The following ZNF57 variants were observed in gnomAD, a reference collection of about 807,000 sequenced individuals.
ZNF57 encodes zinc finger protein 57.
In ZNF57, 11 loss-of-function variants were observed where a neutral mutation model predicts 13.4. The observed-to-expected ratio is 0.82, with a 90% confidence interval of 0.52 to 1.36. The LOEUF is 1.36. ZNF57 is among the 40% of genes most tolerant of loss of function. The probability of loss-of-function intolerance (pLI) is 0.00; values close to 1 mark genes in which losing one functional copy is unlikely to be tolerated. For missense variants in ZNF57, 696 were observed against 667.5 expected, an observed-to-expected ratio of 1.04 and a Z score of -0.47; for synonymous variants, 224 against 238.5, an observed-to-expected ratio of 0.94 and a Z score of 0.56.
intron 1 of ZNF57, among the ~76,000 whole-genome samples, chr19:2,913,102 C>A (rs568475886): frequency 6.6e-6 from 1 of 152,018 alleles, no homozygotes; most frequent in Non-Finnish European, 1.5e-5. Context: ...TACAGGCATC[C>A]GCCACCACGC....
In ZNF57 at chr19:2,917,273, C is replaced by G. The variant is rs770540573; in HGVS notation, c.652C>G (p.His218Asp). 6.2e-7 allele frequency: 1 copy of G among 1,614,096 alleles called. No individual in the cohort carries two copies. The highest frequency in any genetic ancestry group is 8.5e-7 in the Non-Finnish European group (1 of 1,179,954). The part of the protein sequence containing the change: ...PRYLSHHVKT[H>D]TAEKTYKCEQ... ...TTACCTCTCCCACCACGTAAAGACT[C>G]ACACAGCAGAGAAAACCTACAAATG... is the stretch of plus-strand genomic sequence containing the variant. The change falls in exon 4 of 4, where the codon CAC becomes GAC. Residue 218 changes from histidine to aspartate, a missense_variant. Coordinates refer to ENST00000306908, the MANE Select transcript of ZNF57 (RefSeq NM_173480.3).
At chr19:2,901,208 C>A (rs1261766714) in intron 1 of ZNF57, among the ~76,000 whole-genome samples, 160 bp downstream of exon 1, 1 of 141,236 alleles carries the variant, frequency 7.1e-6, no homozygotes, top group Non-Finnish European at 1.5e-5. Flanking sequence ...AGCGGCCGGG[C>A]TGGAGGACTG....
Position 2,917,520 on chromosome 19 carries a change from A to C in ZNF57, c.899A>C (p.Lys300Thr). 1 of 1,613,080 alleles carries C rather than the reference A, an allele frequency of 6.2e-7. No homozygotes were observed. Among genetic ancestry groups the C allele is most frequent in the East Asian group, 2.2e-5 (1 of 44,812 alleles). Reference protein sequence around the residue: ...TYPQAFQRHEKTHTGEKPYEC... With the variant: ...TYPQAFQRHETTHTGEKPYEC... The stretch of plus-strand genomic sequence containing the variant: ...CCCCAGGCTTTTCAAAGACATGAGA[A>C]GACGCACACGGGAGAGAAGCCCTAT... The change falls in exon 4 of 4, where the codon AAG (lysine) becomes ACG (threonine). Residue 300 changes from lysine (K) to threonine (T), a missense_variant. Transcript: ENST00000306908.
intron 1 of ZNF57, among the ~76,000 whole-genome samples, chr19:2,906,333 C>T (rs1427489274): frequency 1.3e-5 from 2 of 152,228 alleles, no homozygotes; most frequent in Admixed American, 6.5e-5. Context: ...GGAGGAAAGG[C>T]GTGAGCCATG....
intron 1 of ZNF57, among the ~76,000 whole-genome samples, chr19:2,903,154 T>C (rs1281126360): frequency 1.3e-5 from 2 of 152,212 alleles, no homozygotes; most frequent in Non-Finnish European, 2.9e-5. Context: ...GTTTTAGCCT[T>C]TCTGAGGTTG....
intron 1 of ZNF57, among the ~76,000 whole-genome samples, chr19:2,905,010 T>C (rs1339731179): frequency 3.9e-5 from 6 of 152,198 alleles, no homozygotes; most frequent in Non-Finnish European, 5.9e-5. Flanking sequence ...TATTCTCCCA[T>C]AGATAGCATC....
chr19:2,901,103 T>G, intron 1 of ZNF57, 55 bp downstream of exon 1: 1 of 1,447,498 alleles, frequency 6.9e-7, no homozygotes, highest in Non-Finnish European at 9.2e-7. Flanking sequence ...GGGAACCGGC[T>G]GGAACCAGAG....
chr19:2,916,343 T>C (rs2088195401), intron 3 of ZNF57, 94 bp downstream of exon 3: 1 of 1,218,818 alleles, frequency 8.2e-7, no homozygotes, highest in Non-Finnish European at 1.1e-6. Context: ...AATTTGTTTA[T>C]TCCTCAGAAT....
chr19:2,903,404 G>T (rs1277826008), intron 1 of ZNF57, among the ~76,000 whole-genome samples: 5 of 152,102 alleles, frequency 3.3e-5, no homozygotes, highest in African/African-American at 9.7e-5. Flanking sequence ...TAGAGACGGG[G>T]TTTCGCCATG....
In ZNF57 at chr19:2,917,027, G is replaced by A. The variant is rs866485123; in HGVS notation, c.406G>A (p.Gly136Arg). Residue 136 changes from glycine (G) to arginine (R), a missense_variant, in exon 4 of 4, where the codon GGA (glycine) becomes AGA (arginine). Gly to Arg is a moderately radical substitution (Grantham distance 125). This residue lies in a region of ZNF57 where 645 missense variants were observed against 591.5 expected (regional missense o/e 1.09). Transcript: ENST00000306908. ...TACCCTGCACAAGAAAGTTTCTGCT[G>A]GAGAAAAACCATATGAATGCACCAA... ...DLTLHKKVSA[G>R]EKPYECTKCR... 6 of 1,614,036 alleles carry A rather than the reference G, an allele frequency of 3.7e-6. No individual in the cohort carries two copies. The African/African-American group carries it at 8.0e-5, about 22-fold the overall frequency.
intron 1 of ZNF57, among the ~76,000 whole-genome samples, chr19:2,902,710 T>A (rs919355137): frequency 3.3e-5 from 5 of 152,182 alleles, no homozygotes; most frequent in Admixed American, 6.5e-5. Flanking sequence ...AACTGAGGCG[T>A]GTTCCATTCT....
At chr19:2,903,694 G>GA (rs2088048246) in intron 1 of ZNF57, among the ~76,000 whole-genome samples, 1 of 146,416 alleles carries the variant, frequency 6.8e-6, no homozygotes, top group Admixed American at 7.1e-5. Context: ...TCACCATACA[G>GA]AGTTTTAATT....
intron 1 of ZNF57, among the ~76,000 whole-genome samples, chr19:2,913,795 C>T (rs2088162759): frequency 6.6e-6 from 1 of 152,132 alleles, no homozygotes; most frequent in African/African-American, 2.4e-5. Flanking sequence ...TGTGTGCCAC[C>T]ATACCCAGCA....
intron 1 of ZNF57, among the ~76,000 whole-genome samples, chr19:2,906,774 G>A (rs1027779711): frequency 1.3e-5 from 2 of 152,174 alleles, no homozygotes; most frequent in African/African-American, 2.4e-5. Flanking sequence ...GCCCAGGTTT[G>A]CCTCGGTGCC....
chr19:2,901,433 A>G (rs1268134199), intron 1 of ZNF57, among the ~76,000 whole-genome samples: 1 of 152,156 alleles, frequency 6.6e-6, no homozygotes, highest in African/African-American at 2.4e-5. Flanking sequence ...AGTGTGAGCC[A>G]CAAGGCTGTT....
At chr19:2,915,384 A>T in intron 1 of ZNF57, 138 bp from the exon 2 acceptor site, 1 of 1,169,164 alleles carries the variant, frequency 8.6e-7, no homozygotes, top group Non-Finnish European at 1.2e-6. Flanking sequence ...ATTGTGAATA[A>T]GTAAAAGATC....
intron 1 of ZNF57, 184 bp from the exon 2 acceptor site, chr19:2,915,338 G>A: frequency 1.4e-6 from 1 of 706,518 alleles, no homozygotes; most frequent in South Asian, 2.0e-5. Context: ...GATAAGTTCA[G>A]ACTGATAGTG....
intron 1 of ZNF57, among the ~76,000 whole-genome samples, chr19:2,907,394 C>A (rs1287670802): frequency 1.3e-5 from 2 of 152,116 alleles, no homozygotes; most frequent in African/African-American, 4.8e-5. Flanking sequence ...CTGGCTCTTC[C>A]GAAAGCGCAA....
chr19:2,901,127 G>A (rs2088025387), intron 1 of ZNF57, 79 bp downstream of exon 1: 4 of 568,878 alleles, frequency 7.0e-6, no homozygotes, highest in Non-Finnish European at 1.1e-5. Context: ...GCCGAAGTCT[G>A]CGGCCGGGAT....
Sources: allele counts gnomAD v4.1 joint callset (sites outside exome capture counted in the v4.1 genomes callset), GRCh38; gene constraint gnomAD v4.1.1; regional missense constraint gnomAD v4.1.1; transcripts MANE v1.5; gene names NCBI Gene and HGNC (gene_info 2026-07-23, HGNC 2026-07-21).